Variants in PCDHGA2 observed in about 807,000 individuals in gnomAD.
PCDHGA2 encodes the protein protocadherin gamma subfamily A, 2, also known as protocadherin gamma-A2.
A neutral mutation model predicts 59.2 loss-of-function variants in PCDHGA2; 40 were observed. The observed-to-expected ratio is 0.68, with a 90% CI of 0.52 to 0.88. The LOEUF (loss-of-function observed/expected upper bound fraction) is 0.88. Among genes scored for constraint, PCDHGA2 ranks in the 40% least tolerant of loss-of-function variants. The probability of loss-of-function intolerance (pLI) is 0.00; values close to 1 mark genes in which losing one functional copy is unlikely to be tolerated. For missense variants in PCDHGA2, 1,226 were observed against 1,204.0 expected, an observed-to-expected ratio of 1.02 and a Z score of -0.27; for synonymous variants, 560 against 526.0, an observed-to-expected ratio of 1.06 and a Z score of -0.89.
chr5:141,409,990 C>T (rs377295503), intron 1 of PCDHGA2: 1 of 1,613,160 alleles, frequency 6.2e-7, no homozygotes, highest in Non-Finnish European at 8.5e-7. Flanking sequence ...CGGTGGACGC[C>T]GACTCGGGAC....
intron 1 of PCDHGA2, among the ~76,000 whole-genome samples, chr5:141,468,946 C>T (rs1437282358): frequency 7.0e-6 from 1 of 141,900 alleles, no homozygotes; most frequent in East Asian, 2.0e-4. Context: ...ATGGGGTAAA[C>T]CTGTGGTTTT....
chr5:141,372,154 T>A, intron 1 of PCDHGA2: 1 of 1,613,784 alleles, frequency 6.2e-7, no homozygotes, highest in East Asian at 2.2e-5. Flanking sequence ...CCTGGCTACC[T>A]GGTGACCAAG....
intron 1 of PCDHGA2, chr5:141,389,893 T>C (rs764580902): frequency 2.9e-5 from 46 of 1,613,976 alleles, no homozygotes; most frequent in Non-Finnish European, 3.6e-5. Context: ...CAGGAGGTGC[T>C]GCCGGATATC....
intron 1 of PCDHGA2, among the ~76,000 whole-genome samples, chr5:141,380,915 GT>G (rs1776856822): frequency 6.6e-6 from 1 of 152,180 alleles, no homozygotes; most frequent in Admixed American, 6.5e-5. Flanking sequence ...TGCTTACATT[GT>G]TTAATAATCA....
intron 1 of PCDHGA2, among the ~76,000 whole-genome samples, chr5:141,453,823 G>A (rs2154564414): frequency 6.6e-6 from 1 of 152,250 alleles, no homozygotes; most frequent in South Asian, 2.1e-4. Flanking sequence ...GACAAACTTG[G>A]CTGCTAGCCC....
At chr5:141,349,051 G>A (rs538909066) in intron 1 of PCDHGA2, among the ~76,000 whole-genome samples, 1 of 151,964 alleles carries the variant, frequency 6.6e-6, no homozygotes, top group Non-Finnish European at 1.5e-5. Context: ...GGTATAAGTC[G>A]GCTGGAGCTG....
chr5:141,441,041 C>T (rs2098220628), intron 1 of PCDHGA2: 1 of 152,152 alleles, frequency 6.6e-6, no homozygotes, highest in African/African-American at 2.4e-5. Context: ...ACTTTAAGTA[C>T]ATTGGACTTT....
intron 1 of PCDHGA2, among the ~76,000 whole-genome samples, chr5:141,456,969 A>G (rs2098901241): frequency 1.4e-5 from 2 of 147,268 alleles, no homozygotes; most frequent in Non-Finnish European, 3.1e-5. Flanking sequence ...TCTCAAAACA[A>G]AACAAACAAA....
chr5:141,467,409 C>T (rs2099143590), intron 1 of PCDHGA2, among the ~76,000 whole-genome samples: 1 of 152,132 alleles, frequency 6.6e-6, no homozygotes, highest in South Asian at 2.1e-4. Context: ...GAAAGCCTTT[C>T]CCCACACCTA....
At chr5:141,393,154 G>GA in intron 1 of PCDHGA2, 1 of 1,613,294 alleles carries the variant, frequency 6.2e-7, no homozygotes, top group Non-Finnish European at 8.5e-7. Flanking sequence ...GAGGATAAAG[G>GA]AAAACTCTTT....
chr5:141,339,386 G>A lies in PCDHGA2; in HGVS notation c.415G>A (p.Glu139Lys), dbSNP rs1240080010. ...NAPRFGVEEL[E>K]LKISETTTPG... ...CCCTCGCTTTGGAGTAGAGGAACTG[G>A]AGCTAAAAATCAGTGAAACCACTAC... The change falls in exon 1 of 4, where the codon GAG (glutamate) becomes AAG (lysine). Residue 139 changes from glutamate (E) to lysine (K), a missense_variant. Glu to Lys is a moderately conservative substitution (Grantham distance 56). Coordinates refer to ENST00000394576, the MANE Select transcript of PCDHGA2 (RefSeq NM_018915.4). The A allele has an allele frequency of 6.2e-7, 1 of 1,614,218 alleles. No homozygotes were observed. The highest frequency in any genetic ancestry group is 8.5e-7 in the Non-Finnish European group (1 of 1,180,022).
At chr5:141,398,177 T>C (rs2093620975) in intron 1 of PCDHGA2, 11 of 1,473,994 alleles carry the variant, frequency 7.5e-6, no homozygotes, top group African/African-American at 2.9e-5. Context: ...CTGCCAGTGC[T>C]CTTTCTCTTC....
intron 3 of PCDHGA2, among the ~76,000 whole-genome samples, chr5:141,509,622 T>C (rs2099877603): frequency 6.6e-6 from 1 of 152,186 alleles, no homozygotes; most frequent in Non-Finnish European, 1.5e-5. Flanking sequence ...AACAAGTTCC[T>C]GGGTGATGCT....
chr5:141,422,926 G>GC, intron 1 of PCDHGA2: 1 of 1,614,230 alleles, frequency 6.2e-7, no homozygotes, highest in African/African-American at 1.3e-5. Context: ...CCTGTACCCT[G>GC]CCCTCCCCAC....
At chr5:141,501,334 C>CA (rs2099808390) in intron 2 of PCDHGA2, among the ~76,000 whole-genome samples, 1 of 145,376 alleles carries the variant, frequency 6.9e-6, no homozygotes, top group Non-Finnish European at 1.5e-5. Flanking sequence ...CACACACACA[C>CA]CCCAAACTCA....
chr5:141,420,511 A>G (rs958868048), intron 1 of PCDHGA2: 23 of 419,992 alleles, frequency 5.5e-5, no homozygotes, highest in Middle Eastern at 6.5e-4. Context: ...ATTTTTATGA[A>G]GTAAAATACC....
intron 1 of PCDHGA2, chr5:141,423,846 C>G: frequency 1.6e-6 from 2 of 1,278,968 alleles, no homozygotes; most frequent in Non-Finnish European, 2.0e-6. Flanking sequence ...GATAATCTTT[C>G]AGAACGTTTT....
chr5:141,413,441 T>C (rs760538286), intron 1 of PCDHGA2: 1 of 1,614,056 alleles, frequency 6.2e-7, no homozygotes, highest in Non-Finnish European at 8.5e-7. Flanking sequence ...GGCAGCTTGA[T>C]CACCGCGGGC....
intron 1 of PCDHGA2, chr5:141,389,520 C>T: frequency 6.2e-7 from 1 of 1,613,184 alleles, no homozygotes; most frequent in Non-Finnish European, 8.5e-7. Flanking sequence ...GAACGTGAGC[C>T]TGCGCGTGTT....
Sources: allele counts gnomAD v4.1 joint callset (sites outside exome capture counted in the v4.1 genomes callset), GRCh38; gene constraint gnomAD v4.1.1; transcripts MANE v1.5; gene names NCBI Gene and HGNC (gene_info 2026-07-23, HGNC 2026-07-21).